The following DLGAP2 variants were observed in gnomAD, a reference collection of about 807,000 sequenced individuals.
The protein encoded by DLGAP2 is DLG associated protein 2, also known as disks large-associated protein 2.
A neutral mutation model predicts 100.3 loss-of-function variants in DLGAP2; 26 were observed. The observed-to-expected ratio is 0.26, with a 90% CI of 0.19 to 0.36. The LOEUF (loss-of-function observed/expected upper bound fraction) is 0.36, where lower values mean the gene tolerates loss of function less well. Ranked by LOEUF, DLGAP2 falls within the 10% of genes least tolerant of loss-of-function variation. The probability of loss-of-function intolerance (pLI) is 1.00; values close to 1 mark genes in which losing one functional copy is unlikely to be tolerated. For synonymous variants in DLGAP2, 886 were observed against 630.1 expected, an observed-to-expected ratio of 1.41 and a Z score of -6.08; for missense variants, 1,858 against 1,453.2, an observed-to-expected ratio of 1.28 and a Z score of -4.53.
chr8:1,077,361 C>G (rs1378156839), intron 2 of DLGAP2, among the ~76,000 whole-genome samples: 1 of 152,214 alleles, frequency 6.6e-6, no homozygotes, highest in Non-Finnish European at 1.5e-5. Context: ...TGTTAGTAAA[C>G]ACTCAGCTCG....
At chr8:1,648,002 G>A (rs745850864) in intron 8 of DLGAP2, among the ~76,000 whole-genome samples, 3 of 152,128 alleles carry the variant, frequency 2.0e-5, no homozygotes, top group Non-Finnish European at 2.9e-5. Flanking sequence ...CACAGACGTC[G>A]GTCATCTCTT....
At chr8:880,604 G>A (rs1210752278) in intron 1 of DLGAP2, among the ~76,000 whole-genome samples, 1 of 146,172 alleles carries the variant, frequency 6.8e-6, no homozygotes, top group Admixed American at 6.8e-5. Context: ...TGACCGTCCA[G>A]TGTGTGTCCC....
Position 1,683,856 on chromosome 8 carries a change from A to G in DLGAP2, c.2704+5227A>G, listed in dbSNP as rs13262057. Among the ~76,000 whole-genome samples the G allele has an allele frequency of 7.7e-3, 482 of 62,224 alleles. 20 individuals carry two copies. Among genetic ancestry groups the G allele is most frequent in the South Asian group, 0.026 (33 of 1,282 alleles). 40.8% of individuals were successfully genotyped at this position (62,224 alleles called of 152,430 possible). A position where few individuals can be genotyped will look rare whatever the true frequency, so the allele number is the denominator to read the frequency against. ...CCACTATATATATATATATATATATATGTGTGTGTGTGTGTGTGTGTGTGT... is the reference window on the plus strand; with the variant it reads ...CCACTATATATATATATATATATATGTGTGTGTGTGTGTGTGTGTGTGTGT... On this transcript the variant is annotated intron_variant, in intron 12 of 14. Coordinates refer to ENST00000637795, the MANE Select transcript of DLGAP2 (RefSeq NM_001346810.2).
chr8:766,398 CTA>C (rs1278622165), intron 1 of DLGAP2, among the ~76,000 whole-genome samples: 1 of 152,208 alleles, frequency 6.6e-6, no homozygotes, highest in Non-Finnish European at 1.5e-5. Flanking sequence ...CATCCTTCCT[CTA>C]TGTGAGCTGC....
chr8:957,899 G>A (rs1799631839), intron 2 of DLGAP2, among the ~76,000 whole-genome samples: 1 of 151,990 alleles, frequency 6.6e-6, no homozygotes. Context: ...TAAAAACATA[G>A]GATTTCCCTC....
At chr8:740,517 C>T (rs1820455839) in intron 1 of DLGAP2, 2 of 152,162 alleles carry the variant, frequency 1.3e-5, no homozygotes, top group South Asian at 4.1e-4. Flanking sequence ...TTATTTGTGT[C>T]TACTTATTTC....
At chr8:1,629,170 T>C (rs1213473159) in intron 7 of DLGAP2, among the ~76,000 whole-genome samples, 1 of 152,206 alleles carries the variant, frequency 6.6e-6, no homozygotes, top group Non-Finnish European at 1.5e-5. Flanking sequence ...TTGCAGGTTT[T>C]TTCCTCATCG....
chr8:1,145,816 A>G (rs112281651), intron 2 of DLGAP2, among the ~76,000 whole-genome samples: 1 of 126,694 alleles, frequency 7.9e-6, no homozygotes, highest in African/African-American at 3.1e-5. Context: ...TCCTGTGTCC[A>G]TGTGTTCTCA....
Position 1,549,462 on chromosome 8 carries a change from G to A in DLGAP2, c.1009G>A (p.Asp337Asn), listed in dbSNP as rs1452739637. The A allele has an allele frequency of 2.5e-6, 4 of 1,613,344 alleles. No individual in the cohort carries two copies. Among genetic ancestry groups the A allele is most frequent in the Non-Finnish European group, 3.4e-6 (4 of 1,179,792 alleles). ...CGACGCGCTGCAGAGCCCCTTCGGG[G>A]ACCTGTCCCTCAAGACCTCCAAGAG... is the stretch of plus-strand genomic sequence containing the variant. ...YPDALQSPFG[D>N]LSLKTSKSNN... Residue 337 changes from aspartate to asparagine, a missense_variant, in exon 5 of 15, where the codon GAC becomes AAC. Physicochemically the swap from Asp to Asn is conservative, Grantham distance 23 (BLOSUM62 1). Transcript: ENST00000637795.
intron 2 of DLGAP2, among the ~76,000 whole-genome samples, chr8:1,152,905 A>G (rs1415128475): frequency 6.6e-6 from 1 of 152,208 alleles, no homozygotes. Flanking sequence ...AACTTAAGCA[A>G]ATCAGCATCT....
At chr8:1,098,157 C>T (rs1287526530) in intron 2 of DLGAP2, among the ~76,000 whole-genome samples, 3 of 152,260 alleles carry the variant, frequency 2.0e-5, no homozygotes, top group Non-Finnish European at 2.9e-5. Context: ...AGAGCACAGC[C>T]GGGCATCCCG....
chr8:1,316,134 C>T lies in DLGAP2; in HGVS notation c.106+57251C>T, dbSNP rs181967950. Among the ~76,000 whole-genome samples, 883 of 119,218 alleles carry T rather than the reference C, an allele frequency of 7.4e-3. 45 individuals are homozygous for T. Among genetic ancestry groups the T allele is most frequent in the African/African-American group, 0.025 (811 of 32,554 alleles). 78.2% of individuals were successfully genotyped at this position (119,218 alleles called of 152,430 possible). A position where few individuals can be genotyped will look rare whatever the true frequency, so the allele number is the denominator to read the frequency against. Reference sequence around the variant, plus strand: ...GCAGCTTTTAAAAATAGAGCGTGTGCGAGTGCAGCGTCTCCCCAACAGTGG... The same window carrying T: ...GCAGCTTTTAAAAATAGAGCGTGTGTGAGTGCAGCGTCTCCCCAACAGTGG... On this transcript the variant is annotated intron_variant, in intron 3 of 14. Transcript: ENST00000637795.
intron 3 of DLGAP2, among the ~76,000 whole-genome samples, chr8:1,467,952 A>G (rs1798671509): frequency 1.3e-5 from 2 of 152,218 alleles, no homozygotes; most frequent in Admixed American, 1.3e-4. Context: ...GAGGCTACAC[A>G]TTTTTGAAAA....
intron 2 of DLGAP2, among the ~76,000 whole-genome samples, chr8:1,106,866 A>T (rs949032424): frequency 6.6e-6 from 1 of 152,218 alleles, no homozygotes; most frequent in Non-Finnish European, 1.5e-5. Context: ...AAAGCAAATT[A>T]TCAAATGAGA....
intron 3 of DLGAP2, among the ~76,000 whole-genome samples, chr8:1,345,784 A>G (rs1408378024): frequency 6.6e-6 from 1 of 152,220 alleles, no homozygotes; most frequent in Non-Finnish European, 1.5e-5. Flanking sequence ...TTCTTTGATC[A>G]GTGTAATGAT....
At chr8:1,577,294 C>T (rs10093186) in intron 6 of DLGAP2, among the ~76,000 whole-genome samples, 53,538 of 152,036 alleles carry the variant, frequency 0.35, 10,259 homozygotes, top group East Asian at 0.51. Flanking sequence ...AGGGGCTGGG[C>T]GCGGTGGCTC....
At chr8:1,070,656 G>A (rs984217010) in intron 2 of DLGAP2, among the ~76,000 whole-genome samples, 1 of 152,116 alleles carries the variant, frequency 6.6e-6, no homozygotes, top group Non-Finnish European at 1.5e-5. Flanking sequence ...TGTCTGTTCA[G>A]ACACACATAC....
At chr8:1,162,050 A>T (rs950834717) in intron 2 of DLGAP2, among the ~76,000 whole-genome samples, 1 of 152,158 alleles carries the variant, frequency 6.6e-6, no homozygotes, top group African/African-American at 2.4e-5. Context: ...GGGAGCCCGG[A>T]GCCTGCGTTT....
intron 1 of DLGAP2, among the ~76,000 whole-genome samples, chr8:778,055 A>ATTAT (rs940662157): frequency 3.4e-3 from 3 of 874 alleles, no homozygotes; most frequent in Non-Finnish European, 0.011. Context: ...ATTTCTTTTT[A>ATTAT]TTCTTCTCTG....
Sources: allele counts gnomAD v4.1 joint callset (sites outside exome capture counted in the v4.1 genomes callset), GRCh38; gene constraint gnomAD v4.1.1; transcripts MANE v1.5; gene names NCBI Gene and HGNC (gene_info 2026-07-23, HGNC 2026-07-21).